The following FAM20B variants were observed in gnomAD, a reference collection of about 807,000 sequenced individuals.
FAM20B encodes glycosaminoglycan xylosylkinase.
A neutral mutation model predicts 43.8 loss-of-function variants in FAM20B; 23 were observed. That is an observed-to-expected ratio of 0.53 (90% CI 0.38 to 0.74). The LOEUF (loss-of-function observed/expected upper bound fraction) is 0.74, where lower values mean the gene tolerates loss of function less well. Among genes scored for constraint, FAM20B ranks in the 30% least tolerant of loss-of-function variants. FAM20B has a pLI of 0.00. For missense variants in FAM20B, 440 were observed against 510.5 expected (o/e 0.86, Z 1.33); for synonymous variants, 178 against 192.4 (o/e 0.93, Z 0.62).
upstream of FAM20B, among the ~76,000 whole-genome samples, chr1:179,022,662 C>T (rs994417233): frequency 6.6e-6 from 1 of 152,142 alleles, no homozygotes; most frequent in African/African-American, 2.4e-5. Flanking sequence ...GTCTCTGGGG[C>T]TCAATTCCCT....
At chr1:179,063,055 T>C (rs1476427326) in intron 4 of FAM20B, among the ~76,000 whole-genome samples, 1 of 152,146 alleles carries the variant, frequency 6.6e-6, no homozygotes, top group Non-Finnish European at 1.5e-5. Context: ...GGTGGGCGGA[T>C]CACCTGAGGT....
At chr1:179,065,303 A>G (rs1572558569) in intron 6 of FAM20B, among the ~76,000 whole-genome samples, 1 of 151,978 alleles carries the variant, frequency 6.6e-6, no homozygotes, top group East Asian at 1.9e-4. Flanking sequence ...GGCACTCGCT[A>G]ATTTTGTATT....
chr1:179,059,393 G>A (rs1248258757), intron 4 of FAM20B, among the ~76,000 whole-genome samples: 1 of 152,174 alleles, frequency 6.6e-6, no homozygotes, highest in Non-Finnish European at 1.5e-5. Flanking sequence ...AGTGGTGGAG[G>A]AGGTACTATT....
At position 179,034,462 on chromosome 1, in the gene FAM20B, T is replaced by C. The variant is rs185160927; in HGVS notation, c.-134+8364T>C. Among the ~76,000 whole-genome samples the C allele has an allele frequency of 1.2e-4, 19 of 152,220 alleles. No individual in the cohort carries two copies. The East Asian group carries it at 3.7e-3, about 29-fold the overall frequency. On this transcript the variant is annotated intron_variant, in intron 1 of 7. Coordinates refer to ENST00000263733, the MANE Select transcript of FAM20B (RefSeq NM_014864.4). ...GTTACCCAGGCTGGTCTCGAATTCC[T>C]GGGCTCAGGCAGTCCTTCTGCCTCA... is the stretch of plus-strand genomic sequence containing the variant.
intron 1 of FAM20B, among the ~76,000 whole-genome samples, chr1:179,039,402 G>A (rs1232702160): frequency 6.6e-6 from 1 of 152,198 alleles, no homozygotes; most frequent in Non-Finnish European, 1.5e-5. Flanking sequence ...TTATGTCTGT[G>A]ACATGAATAT....
intron 7 of FAM20B, among the ~76,000 whole-genome samples, chr1:179,071,022 C>T (rs1475516636): frequency 6.6e-6 from 1 of 151,776 alleles, no homozygotes; most frequent in African/African-American, 2.4e-5. Context: ...CCGCCAGGCG[C>T]AGTGGCTCAC....
intron 7 of FAM20B, among the ~76,000 whole-genome samples, chr1:179,067,815 G>C (rs1415812766): frequency 6.6e-6 from 1 of 152,032 alleles, no homozygotes; most frequent in Non-Finnish European, 1.5e-5. Context: ...CCAGGTAGGA[G>C]TGTGGTGGTG....
At chr1:179,056,168 C>T (rs1651210773) in intron 4 of FAM20B, among the ~76,000 whole-genome samples, 1 of 152,164 alleles carries the variant, frequency 6.6e-6, no homozygotes, top group South Asian at 2.1e-4. Flanking sequence ...TTTACATTCC[C>T]ATTCACTCTT....
At chr1:179,054,921 CTATT>C (rs1437825145) in intron 4 of FAM20B, among the ~76,000 whole-genome samples, 1 of 152,268 alleles carries the variant, frequency 6.6e-6, no homozygotes, top group East Asian at 1.9e-4. Flanking sequence ...TCTCTTAGAG[CTATT>C]AGTAAGTCTC....
intron 4 of FAM20B, among the ~76,000 whole-genome samples, chr1:179,057,570 T>C (rs1192834838): frequency 6.6e-6 from 1 of 152,096 alleles, no homozygotes; most frequent in Non-Finnish European, 1.5e-5. Flanking sequence ...TACCTAAGAG[T>C]GGAGGCTTAG....
At chr1:179,040,643 G>A (rs1468670893) in intron 1 of FAM20B, among the ~76,000 whole-genome samples, 8 of 135,912 alleles carry the variant, frequency 5.9e-5, no homozygotes, top group South Asian at 4.6e-4. Flanking sequence ...CTCCCGGACG[G>A]GGCGGCTGGC....
intron 1 of FAM20B, among the ~76,000 whole-genome samples, chr1:179,036,078 C>T (rs1205890589): frequency 6.6e-6 from 1 of 152,100 alleles, no homozygotes; most frequent in South Asian, 2.1e-4. Flanking sequence ...TGCAGTGAGC[C>T]GAGATAGCAC....
At position 179,073,586 on chromosome 1, in the gene FAM20B, G is replaced by A. The variant is rs1490771643; in HGVS notation, c.*1442G>A. The A allele has an allele frequency of 6.6e-6, 1 of 152,204 alleles. No individual in the cohort carries two copies. Among genetic ancestry groups the A allele is most frequent in the East Asian group, 1.9e-4 (1 of 5,204 alleles). 9.4% of individuals were successfully genotyped at this position (152,204 alleles called of 1,614,324 possible). A position where few individuals can be genotyped will look rare whatever the true frequency, so the allele number is the denominator to read the frequency against. On this transcript the variant is annotated 3_prime_UTR_variant, in exon 8 of 8. Coordinates refer to ENST00000263733, the MANE Select transcript of FAM20B (RefSeq NM_014864.4). Reference sequence around the variant, plus strand: ...GATCCACCTGCCTCAGCCTTCCAAAGTGCTGGGATTACAGGCATGAGCCAC... The same window carrying A: ...GATCCACCTGCCTCAGCCTTCCAAAATGCTGGGATTACAGGCATGAGCCAC...
chr1:179,056,385 T>A (rs887752031), intron 4 of FAM20B, among the ~76,000 whole-genome samples: 2 of 152,224 alleles, frequency 1.3e-5, no homozygotes, highest in African/African-American at 4.8e-5. Flanking sequence ...CATAGTTGAA[T>A]CACAGTATAT....
intron 4 of FAM20B, among the ~76,000 whole-genome samples, chr1:179,059,343 A>G (rs1651361649): frequency 6.6e-6 from 1 of 152,192 alleles, no homozygotes; most frequent in African/African-American, 2.4e-5. Context: ...GCACTGTGCT[A>G]AGCATTGCCA....
At chr1:179,022,492 C>T (rs969329151), upstream of FAM20B, among the ~76,000 whole-genome samples, 4 of 152,102 alleles carry the variant, frequency 2.6e-5, no homozygotes, top group Non-Finnish European at 5.9e-5. Context: ...ATATATTTTG[C>T]CTTCGTGTAT....
rs78550875 is a variant in FAM20B at position 179,049,181 on chromosome 1, T to C, written c.378-1098T>C. 3.6e-3 allele frequency among the ~76,000 whole-genome samples: 547 copies of C among 152,356 alleles called. 4 individuals carry two copies. Among genetic ancestry groups the C allele is most frequent in the African/African-American group, 0.013 (522 of 41,574 alleles). On this transcript the variant is annotated intron_variant, in intron 2 of 7. Transcript: ENST00000263733. ...GCCAGTCTTCATTATCCTTTGCTTA[T>C]GTCATACATGTGATAGAAAATCATC...
chr1:179,066,896 C>T (rs746461204), intron 7 of FAM20B, 37 bp downstream of exon 7: 1 of 1,435,932 alleles, frequency 7.0e-7, no homozygotes, highest in South Asian at 1.1e-5. Flanking sequence ...GCCTGCATTG[C>T]CTTCTTTTCC....
intron 6 of FAM20B, among the ~76,000 whole-genome samples, chr1:179,065,117 A>T: frequency 1.4e-5 from 2 of 146,456 alleles, no homozygotes; most frequent in African/African-American, 5.0e-5. Context: ...CATATTCTGC[A>T]TTCTCTGTGG....
Sources: gnomAD v4.1 joint callset for allele counts (sites outside exome capture counted in the v4.1 genomes callset) on GRCh38, gnomAD v4.1.1 for gene constraint, MANE v1.5 for transcripts, NCBI Gene and HGNC (gene_info 2026-07-23, HGNC 2026-07-21) for gene names.